Variants in PCDHGB6 observed in about 807,000 individuals in gnomAD.
PCDHGB6 encodes protocadherin gamma subfamily B, 6, also known as protocadherin gamma-B6.
In PCDHGB6, 51 loss-of-function variants were observed where a neutral mutation model predicts 59.1. The ratio of observed to expected loss-of-function variants is 0.86; its 90% CI spans 0.69 to 1.09. The LOEUF (loss-of-function observed/expected upper bound fraction) is 1.09. Among genes scored for constraint, PCDHGB6 ranks in the 50% least tolerant of loss-of-function variants. The probability of loss-of-function intolerance (pLI) is 0.00; values close to 1 mark genes in which losing one functional copy is unlikely to be tolerated. For missense variants in PCDHGB6, 1,148 were observed against 1,205.1 expected (o/e 0.95, Z 0.70); for synonymous variants, 466 against 495.1 (o/e 0.94, Z 0.78).
At chr5:141,469,700 T>TA (rs1483261429) in intron 1 of PCDHGB6, among the ~76,000 whole-genome samples, 1 of 152,272 alleles carries the variant, frequency 6.6e-6, no homozygotes, top group African/African-American at 2.4e-5. Context: ...TATGACCTAG[T>TA]AATCACACTA....
rs143317584 is a variant in PCDHGB6 at position 141,432,282 on chromosome 5, A to G, written c.2418+21662A>G. 5.0e-5 allele frequency: 81 copies of G among 1,613,850 alleles called. No homozygotes were observed. The African/African-American group carries it at 6.4e-4, about 13-fold the overall frequency. ...AGCCTATCGTCCTACGTGTCCATCAACTCCGACACTGGGGTACTGTATGCG... is the reference window on the plus strand; with the variant it reads ...AGCCTATCGTCCTACGTGTCCATCAGCTCCGACACTGGGGTACTGTATGCG... On this transcript the variant is annotated intron_variant, in intron 1 of 3. Transcript: ENST00000520790. This position sits in a 1 kb window ranked among gnomAD's most constrained non-coding sequence, Gnocchi z 6.0.
intron 1 of PCDHGB6, among the ~76,000 whole-genome samples, chr5:141,464,301 T>A (rs1237581605): frequency 6.6e-6 from 1 of 150,782 alleles, no homozygotes; most frequent in Non-Finnish European, 1.5e-5. Flanking sequence ...CTCCATTGTA[T>A]GTGCACATAT....
rs761106133 is a variant in PCDHGB6 at position 141,432,117 on chromosome 5, C to A, written c.2418+21497C>A. 1 of 1,614,180 alleles carries A rather than the reference C, an allele frequency of 6.2e-7. No individual in the cohort carries two copies. Among genetic ancestry groups the A allele is most frequent in the Admixed American group, 1.7e-5 (1 of 60,024 alleles). ...ACCAACGACAACCCGCCGGTCTTCC[C>A]TCAGGCCTCCTATTCCGCTTATATC... On this transcript the variant is annotated intron_variant, in intron 1 of 3. Transcript: ENST00000520790. The surrounding 1 kb of genome is among the most constrained non-coding windows in gnomAD (Gnocchi z 6.0).
At chr5:141,505,121 C>A (rs1194549194) in intron 2 of PCDHGB6, among the ~76,000 whole-genome samples, 1 of 152,168 alleles carries the variant, frequency 6.6e-6, no homozygotes, top group Non-Finnish European at 1.5e-5. Context: ...AAGATCGCGC[C>A]ACTGCACTCC....
chr5:141,471,843 T>C (rs1471729261), intron 1 of PCDHGB6, among the ~76,000 whole-genome samples: 2 of 152,166 alleles, frequency 1.3e-5, no homozygotes, highest in Admixed American at 6.5e-5. Context: ...TTTAATAAAA[T>C]ATTCAGAAAA....
At chr5:141,426,639 AATGTGATGATAGAAGATATAAATG>A (rs1418104928) in intron 1 of PCDHGB6, 1 of 407,642 alleles carries the variant, frequency 2.5e-6, no homozygotes, top group Non-Finnish European at 5.0e-6. Context: ...TTTTCACATA[AATGTGATGATAGAAGATATAAATG>A]ATAACCCACC....
At chr5:141,420,256 TAAG>T (rs749213635) in intron 1 of PCDHGB6, 12 of 1,569,010 alleles carry the variant, frequency 7.6e-6, no homozygotes, top group South Asian at 1.2e-5. Context: ...TTGAAGCAGA[TAAG>T]AAGATTCTTA....
intron 1 of PCDHGB6, among the ~76,000 whole-genome samples, chr5:141,488,544 C>G (rs1225754325): frequency 6.6e-6 from 1 of 152,166 alleles, no homozygotes; most frequent in African/African-American, 2.4e-5. Flanking sequence ...AGTCCCATGT[C>G]AGCTGACATT....
intron 2 of PCDHGB6, among the ~76,000 whole-genome samples, chr5:141,498,847 C>T (rs932801278): frequency 1.3e-5 from 2 of 151,856 alleles, no homozygotes; most frequent in Admixed American, 1.3e-4. Flanking sequence ...GCAGGGGAAT[C>T]GCTTGAACCC....
At chr5:141,478,042 G>A (rs1358652557) in intron 1 of PCDHGB6, 18 of 1,614,152 alleles carry the variant, frequency 1.1e-5, no homozygotes, top group Non-Finnish European at 1.5e-5. Flanking sequence ...CACCCAGGCA[G>A]ACTCTCACGG....
intron 1 of PCDHGB6, among the ~76,000 whole-genome samples, chr5:141,437,331 A>G (rs2097876062): frequency 6.6e-6 from 1 of 152,244 alleles, no homozygotes; most frequent in Non-Finnish European, 1.5e-5. Context: ...TAAAATTTGT[A>G]GCTTCACTGT....
Position 141,477,707 on chromosome 5 carries a change from C to T in PCDHGB6, c.2419-17100C>T. ...AGTGCCCCTAGACTATGAGGATCGG[C>T]GGGAATTTGAATTAACAGCTCATAT... On this transcript the variant is annotated intron_variant, in intron 1 of 3. Transcript: ENST00000520790. The surrounding 1 kb of genome is among the most constrained non-coding windows in gnomAD (Gnocchi z 4.9). 6.2e-7 allele frequency: 1 copy of T among 1,613,952 alleles called. No individual in the cohort carries two copies. Among genetic ancestry groups the T allele is most frequent in the South Asian group, 1.1e-5 (1 of 91,086 alleles).
chr5:141,473,665 T>C (rs1054239218), intron 1 of PCDHGB6, among the ~76,000 whole-genome samples: 1 of 152,142 alleles, frequency 6.6e-6, no homozygotes, highest in Non-Finnish European at 1.5e-5. Context: ...GTGAAGGCCC[T>C]GAGACAGGGA....
intron 1 of PCDHGB6, among the ~76,000 whole-genome samples, chr5:141,436,677 G>T (rs966497986): frequency 2.2e-4 from 33 of 152,278 alleles, no homozygotes; most frequent in Non-Finnish European, 2.9e-5. Flanking sequence ...CCAAAAAAAG[G>T]ATTTATATTT....
intron 1 of PCDHGB6, among the ~76,000 whole-genome samples, chr5:141,482,884 C>A (rs2099574053): frequency 6.6e-6 from 1 of 152,116 alleles, no homozygotes; most frequent in Non-Finnish European, 1.5e-5. Flanking sequence ...CCAGCCTGGC[C>A]AACATGGTGA....
intron 2 of PCDHGB6, among the ~76,000 whole-genome samples, chr5:141,498,309 G>A (rs2099783046): frequency 6.6e-6 from 1 of 151,844 alleles, no homozygotes; most frequent in Non-Finnish European, 1.5e-5. Flanking sequence ...GGGTCACACT[G>A]CCTACACAGA....
rs532907359 is a variant in PCDHGB6, at chr5:141,500,353, C to T, written c.2478-5040C>T. 1.9e-4 allele frequency among the ~76,000 whole-genome samples: 29 copies of T among 152,052 alleles called. No homozygotes were observed. The East Asian group carries it at 5.2e-3, about 27-fold the overall frequency. The stretch of plus-strand genomic sequence containing the variant: ...CCTCCAGAATAGCTGGGACTACAGG[C>T]GCCCACTACCACGCCCGGCTAATTA... On this transcript the variant is annotated intron_variant, in intron 2 of 3. Transcript: ENST00000520790.
intron 1 of PCDHGB6, chr5:141,427,495 C>T: frequency 1.8e-6 from 1 of 562,648 alleles, no homozygotes; most frequent in South Asian, 1.5e-5. Flanking sequence ...AAGCTTGTAA[C>T]AGATGGGACC....
intron 1 of PCDHGB6, among the ~76,000 whole-genome samples, chr5:141,461,314 T>A (rs1453512629): frequency 6.6e-6 from 1 of 152,198 alleles, no homozygotes; most frequent in Non-Finnish European, 1.5e-5. Context: ...TTTTTTGACT[T>A]TTTAATAATG....
Sources: allele counts gnomAD v4.1 joint callset (sites outside exome capture counted in the v4.1 genomes callset), GRCh38; gene constraint gnomAD v4.1.1; non-coding constraint Gnocchi (gnomAD v3.1); transcripts MANE v1.5; gene names NCBI Gene and HGNC (gene_info 2026-07-23, HGNC 2026-07-21).